CDH11: variants seen among roughly 807,000 people sequenced by gnomAD.
CDH11 encodes cadherin-11.
A neutral mutation model predicts 67.8 loss-of-function variants in CDH11; 11 were observed. The observed-to-expected ratio is 0.16, with a 90% CI of 0.10 to 0.27. The LOEUF (loss-of-function observed/expected upper bound fraction) is 0.27. Among genes scored for constraint, CDH11 ranks in the 10% least tolerant of loss-of-function variants. The pLI is 1.00. For missense variants in CDH11, 847 were observed against 1,031.2 expected (o/e 0.82, Z 2.45); for synonymous variants, 419 against 400.0 (o/e 1.05, Z -0.57).
chr16:65,046,447 TG>T (rs1206818638), intron 2 of CDH11, among the ~76,000 whole-genome samples: 1 of 152,158 alleles, frequency 6.6e-6, no homozygotes, highest in Non-Finnish European at 1.5e-5. Flanking sequence ...ATCCCCATCC[TG>T]GGGGTGGATT....
intron 11 of CDH11, among the ~76,000 whole-genome samples, chr16:64,951,938 C>A (rs2142374225): frequency 6.6e-6 from 1 of 152,220 alleles, no homozygotes; most frequent in Admixed American, 6.5e-5. Context: ...CATAACAAAA[C>A]ACAGCGCACC....
In CDH11 at chr16:64,945,580, A is replaced by G; in HGVS notation, c.*2023T>C. ...GCAAAATATTCTTTGGATTACAAAAACTATATAAAAAAATGAACACAACCT... is the reference window on the plus strand; with the variant it reads ...GCAAAATATTCTTTGGATTACAAAAGCTATATAAAAAAATGAACACAACCT... On this transcript the variant is annotated 3_prime_UTR_variant, in exon 13 of 13. Coordinates refer to ENST00000268603, the MANE Select transcript of CDH11 (RefSeq NM_001797.4). 3.9e-6 allele frequency: 4 copies of G among 1,029,946 alleles called. No homozygotes were observed. The highest frequency in any genetic ancestry group is 4.7e-6 in the Non-Finnish European group (4 of 856,428). The allele number at this position is 1,029,946 out of a possible 1,614,324, so 63.8% of individuals were successfully genotyped here.
intron 2 of CDH11, among the ~76,000 whole-genome samples, chr16:65,010,180 A>T (rs138516284): frequency 0.014 from 2,115 of 152,266 alleles, 19 homozygotes; most frequent in Non-Finnish European, 0.023. Flanking sequence ...TTACATTAAG[A>T]ATATTACCAC....
Position 64,947,244 on chromosome 16 carries a change from C to A in CDH11, c.*359G>T, listed in dbSNP as rs886254863. ...GTTGTCCTTTCTAATTTTGTGGAAG[C>A]TTCTTTGACAACTTAAAAAAGAAGA... On this transcript the variant is annotated 3_prime_UTR_variant, in exon 13 of 13. Coordinates refer to ENST00000268603, the MANE Select transcript of CDH11 (RefSeq NM_001797.4). 20 of 1,104,006 alleles carry A rather than the reference C, an allele frequency of 1.8e-5. No homozygotes were observed. In the African/African-American group the frequency reaches 2.9e-4, roughly 16 times the overall value. The allele number at this position is 1,104,006 out of a possible 1,614,324, so 68.4% of individuals were successfully genotyped here.
chr16:64,990,834 T>A (rs1567512980), intron 6 of CDH11, among the ~76,000 whole-genome samples: 1 of 152,214 alleles, frequency 6.6e-6, no homozygotes, highest in Non-Finnish European at 1.5e-5. Flanking sequence ...TGTTGACGAC[T>A]TATAGACAGT....
intron 1 of CDH11, among the ~76,000 whole-genome samples, chr16:65,116,846 T>C (rs1228971709): frequency 4.6e-5 from 7 of 152,146 alleles, no homozygotes; most frequent in African/African-American, 1.7e-4. Flanking sequence ...AGTTTCTTCC[T>C]CCTTTCCCTC....
intron 2 of CDH11, among the ~76,000 whole-genome samples, chr16:65,030,963 A>G (rs1437445976): frequency 6.6e-6 from 1 of 152,196 alleles, no homozygotes; most frequent in African/African-American, 2.4e-5. Flanking sequence ...TTCAGTATTG[A>G]CAGGTGACCT....
At chr16:65,072,210 C>T (rs546777936) in intron 1 of CDH11, 12 of 152,576 alleles carry the variant, frequency 7.9e-5, no homozygotes, top group Admixed American at 4.6e-4. Context: ...CTCAGCCCAG[C>T]TTTGTTCTGG....
At chr16:64,958,550 A>G (rs1161430490) in intron 11 of CDH11, among the ~76,000 whole-genome samples, 1 of 152,186 alleles carries the variant, frequency 6.6e-6, no homozygotes, top group East Asian at 1.9e-4. Context: ...CCCATATCTT[A>G]TAAGAAACAA....
chr16:65,112,405 GATCACTA>G (rs2075176372), intron 1 of CDH11, among the ~76,000 whole-genome samples: 1 of 152,092 alleles, frequency 6.6e-6, no homozygotes, highest in African/African-American at 2.4e-5. Context: ...AACCACCATT[GATCACTA>G]AACTGGATGT....
At chr16:65,076,829 T>G (rs182717698) in intron 1 of CDH11, among the ~76,000 whole-genome samples, 2 of 152,260 alleles carry the variant, frequency 1.3e-5, no homozygotes, top group Non-Finnish European at 2.9e-5. Flanking sequence ...GTTTCCAGCT[T>G]AAACCATGTC....
At chr16:65,114,236 T>C (rs1445786703) in intron 1 of CDH11, among the ~76,000 whole-genome samples, 1 of 152,126 alleles carries the variant, frequency 6.6e-6, no homozygotes, top group East Asian at 1.9e-4. Context: ...GGGAGTTGGA[T>C]CAGAGGATCT....
chr16:64,973,570 C>T (rs1390040656), intron 8 of CDH11, among the ~76,000 whole-genome samples: 2 of 152,126 alleles, frequency 1.3e-5, no homozygotes. Flanking sequence ...CTTTGGGAGG[C>T]CAAGGCGGAT....
chr16:65,015,346 C>T (rs974440552), intron 2 of CDH11, among the ~76,000 whole-genome samples: 4 of 151,646 alleles, frequency 2.6e-5, no homozygotes, highest in Non-Finnish European at 4.4e-5. Context: ...GAATGACACT[C>T]TAGAGACATT....
chr16:64,971,031 C>A (rs1010820737), intron 11 of CDH11, among the ~76,000 whole-genome samples: 3 of 152,288 alleles, frequency 2.0e-5, no homozygotes, highest in South Asian at 4.1e-4. Flanking sequence ...AAAGGGGAAG[C>A]AGAAATAGTA....
chr16:64,998,937 T>C, intron 3 of CDH11, 81 bp from the exon 4 acceptor site: 1 of 1,107,370 alleles, frequency 9.0e-7, no homozygotes, highest in Non-Finnish European at 1.3e-6. Flanking sequence ...TGCAACAATC[T>C]GCTGCGCACA....
At chr16:64,993,163 C>A in intron 4 of CDH11, 129 bp from the exon 5 acceptor site, 1 of 732,274 alleles carries the variant, frequency 1.4e-6, no homozygotes, top group Non-Finnish European at 2.2e-6. Flanking sequence ...TCTCATTTTC[C>A]TGGAGTTGAG....
intron 7 of CDH11, 136 bp downstream of exon 7, chr16:64,988,021 G>T: frequency 1.6e-6 from 1 of 632,680 alleles, no homozygotes; most frequent in Non-Finnish European, 2.8e-6. Context: ...AGAGCTCAGA[G>T]CTCAACTACA....
intron 2 of CDH11, among the ~76,000 whole-genome samples, chr16:65,035,205 G>A (rs1193621950): frequency 6.6e-6 from 1 of 152,240 alleles, no homozygotes; most frequent in Non-Finnish European, 1.5e-5. Context: ...ACACTGAGGT[G>A]GCTTCCTAAT....
Sources: gnomAD v4.1 joint callset for allele counts (sites outside exome capture counted in the v4.1 genomes callset) on GRCh38, gnomAD v4.1.1 for gene constraint, MANE v1.5 for transcripts, NCBI Gene and HGNC (gene_info 2026-07-23, HGNC 2026-07-21) for gene names.